The following VPS13A variants were observed in gnomAD, a reference collection of about 807,000 sequenced individuals.
VPS13A encodes vacuolar protein sorting 13 homolog A, also known as intermembrane lipid transfer protein VPS13A.
A neutral mutation model predicts 390.9 loss-of-function variants in VPS13A; 264 were observed. The ratio of observed to expected loss-of-function variants is 0.68; its 90% CI spans 0.61 to 0.75. The LOEUF is 0.75. Among genes scored for constraint, VPS13A ranks in the 30% least tolerant of loss-of-function variants. The pLI is 0.00. For synonymous variants in VPS13A, 1,231 were observed against 1,227.1 expected, an observed-to-expected ratio of 1.00 and a Z score of -0.07; for missense variants, 3,409 against 3,733.9, an observed-to-expected ratio of 0.91 and a Z score of 2.27.
intron 67 of VPS13A, among the ~76,000 whole-genome samples, chr9:77,376,094 A>T (rs1210909340): frequency 1.2e-4 from 19 of 152,136 alleles, no homozygotes; most frequent in African/African-American, 1.2e-4. Flanking sequence ...GACCTGAAAG[A>T]AGTAAAGGGT....
At chr9:77,272,777 T>G (rs73466079) in intron 23 of VPS13A, among the ~76,000 whole-genome samples, 1,948 of 152,294 alleles carry the variant, frequency 0.013, 45 homozygotes, top group African/African-American at 0.044. Flanking sequence ...TGGTAATGTT[T>G]TATTGCTTGG....
chr9:77,254,647 G>C (rs553664355), intron 22 of VPS13A, among the ~76,000 whole-genome samples: 1 of 152,230 alleles, frequency 6.6e-6, no homozygotes, highest in East Asian at 1.9e-4. Context: ...AATATTGACT[G>C]TTATAGTCCA....
chr9:77,236,965 C>G (rs1824182923), intron 17 of VPS13A, among the ~76,000 whole-genome samples: 1 of 152,152 alleles, frequency 6.6e-6, no homozygotes, highest in South Asian at 2.1e-4. Context: ...GGCACAATCT[C>G]AGCTCACTCC....
At chr9:77,181,552 A>C (rs966025805) in intron 1 of VPS13A, among the ~76,000 whole-genome samples, 1 of 150,934 alleles carries the variant, frequency 6.6e-6, no homozygotes, top group African/African-American at 2.4e-5. Context: ...TGGATGCTGC[A>C]TAGGAAAATT....
At chr9:77,228,660 T>C (rs938225651) in intron 17 of VPS13A, among the ~76,000 whole-genome samples, 1 of 152,158 alleles carries the variant, frequency 6.6e-6, no homozygotes, top group African/African-American at 2.4e-5. Context: ...TAATTTCACA[T>C]TGGTATATTT....
intron 60 of VPS13A, 80 bp downstream of exon 60, chr9:77,365,653 T>C: frequency 1.2e-6 from 1 of 839,844 alleles, no homozygotes; most frequent in South Asian, 1.5e-5. Context: ...TGTTCTTCAG[T>C]AATATATAAA....
chr9:77,344,428 G>T, intron 51 of VPS13A, 147 bp downstream of exon 51: 2 of 993,624 alleles, frequency 2.0e-6, no homozygotes, highest in Non-Finnish European at 2.9e-6. Flanking sequence ...TTTGTAGAAG[G>T]AAACAGAGAT....
At chr9:77,199,169 A>T (rs1054978335) in intron 1 of VPS13A, among the ~76,000 whole-genome samples, 22 of 151,986 alleles carry the variant, frequency 1.4e-4, no homozygotes, top group Non-Finnish European at 2.6e-4. Flanking sequence ...AGCAACTTTG[A>T]TTCATTTTGT....
At chr9:77,391,180 C>G (rs1370063889) in intron 68 of VPS13A, among the ~76,000 whole-genome samples, 1 of 152,184 alleles carries the variant, frequency 6.6e-6, no homozygotes, top group East Asian at 1.9e-4. Flanking sequence ...TGTGATAGAG[C>G]TCTACCTAGT....
At chr9:77,380,343 C>T (rs532703416) in intron 67 of VPS13A, among the ~76,000 whole-genome samples, 9 of 152,034 alleles carry the variant, frequency 5.9e-5, no homozygotes, top group East Asian at 3.9e-4. Flanking sequence ...GATGGAGTCT[C>T]GCTGTGTCGC....
intron 59 of VPS13A, among the ~76,000 whole-genome samples, chr9:77,362,253 AC>A (rs1338947050): frequency 6.6e-6 from 1 of 152,118 alleles, no homozygotes; most frequent in African/African-American, 2.4e-5. Flanking sequence ...TGAATATCTT[AC>A]GTTTTACGAA....
chr9:77,367,160 ATGC>A (rs1490888949), intron 61 of VPS13A, among the ~76,000 whole-genome samples: 1 of 152,222 alleles, frequency 6.6e-6, no homozygotes, highest in Admixed American at 6.5e-5. Context: ...TAGGATGTGT[ATGC>A]CCAAAGATAT....
intron 31 of VPS13A, 96 bp downstream of exon 31, chr9:77,283,746 G>A (rs1298003464): frequency 2.9e-6 from 3 of 1,030,118 alleles, no homozygotes; most frequent in East Asian, 5.3e-5. Context: ...TCAGAATTTA[G>A]TAGTATGGCT....
chr9:77,245,604 G>GA (rs1316261008), intron 19 of VPS13A, among the ~76,000 whole-genome samples: 5 of 152,068 alleles, frequency 3.3e-5, no homozygotes, highest in Non-Finnish European at 7.4e-5. Context: ...GATTTCACTT[G>GA]AATTTGCTTC....
chr9:77,356,605 G>A (rs925713249), intron 54 of VPS13A, 109 bp from the exon 55 acceptor site: 68 of 1,214,002 alleles, frequency 5.6e-5, no homozygotes, highest in Admixed American at 8.2e-5. Context: ...TTGTAATTGA[G>A]GCTGTTCTGA....
intron 32 of VPS13A, among the ~76,000 whole-genome samples, chr9:77,294,540 T>C (rs963003166): frequency 9.2e-5 from 14 of 152,190 alleles, no homozygotes; most frequent in African/African-American, 3.4e-4. Context: ...AGAAAAGTAT[T>C]TGCGTGTTCA....
Position 77,228,272 on chromosome 9 carries a change from T to A in VPS13A, c.1595+8T>A, listed in dbSNP as rs746034684. The stretch of plus-strand genomic sequence containing the variant: ...AGGAGCACAAGCAATAAAGTAAGTA[T>A]TAATTTATCTTTTTTTATCATATAT... On this transcript the variant is annotated splice_region_variant and intron_variant, in intron 17 of 71. Coordinates refer to ENST00000360280, the MANE Select transcript of VPS13A (RefSeq NM_033305.3). 6.3e-7 allele frequency: 1 copy of A among 1,575,586 alleles called. No homozygotes were observed. Among genetic ancestry groups the A allele is most frequent in the East Asian group, 2.3e-5 (1 of 42,796 alleles).
chr9:77,284,896 G>A (rs954277887), intron 31 of VPS13A, among the ~76,000 whole-genome samples: 1 of 151,726 alleles, frequency 6.6e-6, no homozygotes, highest in African/African-American at 2.4e-5. Flanking sequence ...TAGAGACAGG[G>A]TTTCACTGTG....
chr9:77,413,613 T>C (rs1439485266), intron 71 of VPS13A, among the ~76,000 whole-genome samples: 4 of 152,172 alleles, frequency 2.6e-5, no homozygotes, highest in East Asian at 1.9e-4. Flanking sequence ...AAGACTTAAA[T>C]GTTAGACCTA....
Sources: gnomAD v4.1 joint callset for allele counts (sites outside exome capture counted in the v4.1 genomes callset) on GRCh38, gnomAD v4.1.1 for gene constraint, MANE v1.5 for transcripts, NCBI Gene and HGNC (gene_info 2026-07-23, HGNC 2026-07-21) for gene names.